KCTD3: variants seen among roughly 807,000 people sequenced by gnomAD.
The protein encoded by KCTD3 is BTB/POZ domain-containing protein KCTD3.
Under a neutral mutation model 85.8 loss-of-function variants are expected in KCTD3, and 41 were observed. That is an observed-to-expected ratio of 0.48 (90% CI 0.37 to 0.62). The LOEUF is 0.62. Ranked by LOEUF, KCTD3 falls within the 20% of genes least tolerant of loss-of-function variation. The pLI is 0.00. For synonymous variants in KCTD3, 338 were observed against 345.4 expected (o/e 0.98, Z 0.24); for missense variants, 724 against 989.9 (o/e 0.73, Z 3.60).
At chr1:215,568,387 C>T (rs1279521408) in intron 1 of KCTD3, among the ~76,000 whole-genome samples, 6 of 144,150 alleles carry the variant, frequency 4.2e-5, no homozygotes, top group Non-Finnish European at 7.5e-5. Context: ...GCAGTTTGAA[C>T]ATTTGCTTTT....
At chr1:215,611,386 G>A (rs1655231879) in intron 14 of KCTD3, among the ~76,000 whole-genome samples, 1 of 151,884 alleles carries the variant, frequency 6.6e-6, no homozygotes, top group South Asian at 2.1e-4. Context: ...CATTCCATCT[G>A]ATGAAGTTTC....
At chr1:215,568,482 T>G (rs1571866059) in intron 1 of KCTD3, among the ~76,000 whole-genome samples, 1 of 13,528 alleles carries the variant, frequency 7.4e-5, no homozygotes, top group East Asian at 2.3e-3. Flanking sequence ...TTTCTGGCCT[T>G]CCGCCCCCCC....
Position 215,606,888 on chromosome 1 carries a change from T to C in KCTD3, c.1310-1129T>C, listed in dbSNP as rs540125766. On this transcript the variant is annotated intron_variant, in intron 13 of 17. Transcript: ENST00000259154. ...TAGCAAAATTGACGTAATTGTCCAA[T>C]TGAATCAACTAAAAATATTTAAATT... Among the ~76,000 whole-genome samples, 95 of 152,132 alleles carry C rather than the reference T, an allele frequency of 6.2e-4. 1 individual carries two copies. Among genetic ancestry groups the C allele is most frequent in the Admixed American group, 1.7e-3 (26 of 15,264 alleles).
At chr1:215,581,576 C>G (rs1207072136) in intron 8 of KCTD3, among the ~76,000 whole-genome samples, 1 of 152,170 alleles carries the variant, frequency 6.6e-6, no homozygotes. Flanking sequence ...CTAAAGATTG[C>G]TCTTTTCCAG....
chr1:215,573,935 A>G, intron 2 of KCTD3, 96 bp downstream of exon 2: 1 of 1,001,226 alleles, frequency 1.0e-6, no homozygotes, highest in South Asian at 1.7e-5. Flanking sequence ...AAAAAAGGTT[A>G]ACTCTTAAAA....
At chr1:215,584,193 G>A (rs1468724388) in intron 8 of KCTD3, among the ~76,000 whole-genome samples, 2 of 152,184 alleles carry the variant, frequency 1.3e-5, no homozygotes, top group Non-Finnish European at 2.9e-5. Context: ...TAAGCAGGAT[G>A]AGTCCAAATT....
intron 1 of KCTD3, among the ~76,000 whole-genome samples, chr1:215,573,246 GA>G (rs1330236043): frequency 6.6e-6 from 1 of 152,174 alleles, no homozygotes; most frequent in Non-Finnish European, 1.5e-5. Flanking sequence ...TGGATATTTA[GA>G]AAAACTATTA....
In KCTD3 at chr1:215,567,657, G is replaced by A; in HGVS notation, c.-29G>A. On this transcript the variant is annotated 5_prime_UTR_variant, in exon 1 of 18. Coordinates refer to ENST00000259154, the MANE Select transcript of KCTD3 (RefSeq NM_016121.5). Reference sequence around the variant, plus strand: ...TCGGCGGTCCCGGCTGGGGAAGGAGGGCGGCGAGCGCGTCCGGAGCCGCCG... The same window carrying A: ...TCGGCGGTCCCGGCTGGGGAAGGAGAGCGGCGAGCGCGTCCGGAGCCGCCG... 1 of 1,222,708 alleles carries A rather than the reference G, an allele frequency of 8.2e-7. No individual in the cohort carries two copies. The highest frequency in any genetic ancestry group is 1.0e-6 in the Non-Finnish European group (1 of 977,754). The allele number at this position is 1,222,708 out of a possible 1,614,324, so 75.7% of individuals were successfully genotyped here.
chr1:215,611,107 C>A (rs1317063244), intron 14 of KCTD3, among the ~76,000 whole-genome samples: 2 of 151,610 alleles, frequency 1.3e-5, no homozygotes, highest in Non-Finnish European at 3.0e-5. Context: ...AACTTTTTTT[C>A]TTTACATTGT....
intron 15 of KCTD3, chr1:215,618,463 A>T: frequency 6.1e-6 from 1 of 165,172 alleles, no homozygotes; most frequent in Non-Finnish European, 1.3e-5. Context: ...AACTCCCTCA[A>T]CTCTTTTGAA....
At position 215,579,304 on chromosome 1, in the gene KCTD3, G is replaced by A. The variant is rs559361571; in HGVS notation, c.535+167G>A. Among the ~76,000 whole-genome samples the A allele has an allele frequency of 2.1e-4, 32 of 152,228 alleles. No individual in the cohort carries two copies. In the South Asian group the frequency reaches 6.6e-3, roughly 32 times the overall value. The stretch of plus-strand genomic sequence containing the variant: ...TTAACACTTAATTTTTATTTAAAAT[G>A]TTGTGTAATCTTCTATCTTCTCTGA... On this transcript the variant is annotated intron_variant, in intron 7 of 17. Transcript: ENST00000259154.
intron 1 of KCTD3, among the ~76,000 whole-genome samples, chr1:215,568,916 T>C (rs1486777098): frequency 6.6e-6 from 1 of 152,254 alleles, no homozygotes; most frequent in Non-Finnish European, 1.5e-5. Context: ...ACCAGTCTTA[T>C]GGAGATTTAT....
intron 11 of KCTD3, 32 bp from the exon 12 acceptor site, chr1:215,602,053 T>C: frequency 6.9e-7 from 1 of 1,439,248 alleles, no homozygotes; most frequent in Non-Finnish European, 9.7e-7. Context: ...ATGCTATTTA[T>C]TTTAATGCTG....
chr1:215,620,874 C>CT lies in KCTD3; in HGVS notation c.*263dup, dbSNP rs1655661115. On this transcript the variant is annotated 3_prime_UTR_variant, in exon 18 of 18. Transcript: ENST00000259154. ...AGGAGTCCATTTTAACACTTACCGA[C>CT]TTTTTTTGGTTTGGAAACATATTAC... The CT allele has an allele frequency of 1.6e-5, 7 of 431,760 alleles. No homozygotes were observed. In the South Asian group the frequency reaches 2.0e-4, roughly 12 times the overall value. 26.7% of individuals were successfully genotyped at this position (431,760 alleles called of 1,614,324 possible).
chr1:215,617,607 A>C (rs1655501935), intron 15 of KCTD3, among the ~76,000 whole-genome samples: 1 of 151,600 alleles, frequency 6.6e-6, no homozygotes, highest in Non-Finnish European at 1.5e-5. Context: ...ACATTAGAGA[A>C]ATTGTCATTT....
At chr1:215,580,568 AT>A (rs569527105) in intron 8 of KCTD3, among the ~76,000 whole-genome samples, 162 of 134,962 alleles carry the variant, frequency 1.2e-3, no homozygotes, top group Admixed American at 1.3e-3. Flanking sequence ...TAGACCGGTG[AT>A]TTTTTTTTTT....
At chr1:215,590,569 T>C (rs1238692581) in intron 9 of KCTD3, among the ~76,000 whole-genome samples, 1 of 152,198 alleles carries the variant, frequency 6.6e-6, no homozygotes, top group Non-Finnish European at 1.5e-5. Flanking sequence ...TTTAGATATC[T>C]TTTATTGATC....
chr1:215,614,494 G>A (rs1655357688), intron 15 of KCTD3, among the ~76,000 whole-genome samples: 2 of 152,014 alleles, frequency 1.3e-5, no homozygotes, highest in Non-Finnish European at 2.9e-5. Flanking sequence ...TGCTTTCTTC[G>A]AGCAGTGTTT....
intron 10 of KCTD3, among the ~76,000 whole-genome samples, chr1:215,595,685 G>A (rs1660393181): frequency 6.6e-6 from 1 of 152,070 alleles, no homozygotes; most frequent in Non-Finnish European, 1.5e-5. Context: ...TTAAACTGTG[G>A]TTTTGCATTT....
Sources: allele counts gnomAD v4.1 joint callset (sites outside exome capture counted in the v4.1 genomes callset), GRCh38; gene constraint gnomAD v4.1.1; transcripts MANE v1.5; gene names NCBI Gene and HGNC (gene_info 2026-07-23, HGNC 2026-07-21).